The following RALGAPA1 variants were observed in gnomAD, a reference collection of about 807,000 sequenced individuals.
RALGAPA1 encodes the protein Ral GTPase activating protein catalytic subunit alpha 1, also known as ral GTPase-activating protein subunit alpha-1.
A neutral mutation model predicts 269.6 loss-of-function variants in RALGAPA1; 52 were observed. The observed-to-expected ratio is 0.19, with a 90% CI of 0.15 to 0.24. RALGAPA1 has a LOEUF of 0.24. Among genes scored for constraint, RALGAPA1 ranks in the 10% least tolerant of loss-of-function variants. The probability of loss-of-function intolerance (pLI) is 1.00; values close to 1 mark genes in which losing one functional copy is unlikely to be tolerated. For synonymous variants in RALGAPA1, 817 were observed against 1,008.3 expected, an observed-to-expected ratio of 0.81 and a Z score of 3.60; for missense variants, 1,917 against 3,013.9, an observed-to-expected ratio of 0.64 and a Z score of 8.52.
chr14:35,737,774 A>T (rs1229312272), intron 12 of RALGAPA1, among the ~76,000 whole-genome samples: 5 of 137,752 alleles, frequency 3.6e-5, no homozygotes, highest in African/African-American at 1.4e-4. Context: ...AAAAAAAAAA[A>T]AAAAAAAAAA....
chr14:35,674,930 T>C (rs2064816910), intron 22 of RALGAPA1, among the ~76,000 whole-genome samples: 1 of 152,166 alleles, frequency 6.6e-6, no homozygotes, highest in African/African-American at 2.4e-5. Flanking sequence ...TATTCAATAG[T>C]GATTCTATGT....
intron 4 of RALGAPA1, among the ~76,000 whole-genome samples, chr14:35,768,067 ATC>A (rs200131642): frequency 0.04 from 6,153 of 151,984 alleles, 353 homozygotes; most frequent in African/African-American, 0.12. Context: ...GAGCCACCAC[ATC>A]TGTCCTTATT....
intron 1 of RALGAPA1, among the ~76,000 whole-genome samples, chr14:35,795,420 G>C (rs2076490267): frequency 6.6e-6 from 1 of 152,116 alleles, no homozygotes; most frequent in African/African-American, 2.4e-5. Context: ...CAAGACAGAA[G>C]AAAGAACCAT....
At chr14:35,581,939 C>G (rs1195983309) in intron 37 of RALGAPA1, among the ~76,000 whole-genome samples, 1 of 152,164 alleles carries the variant, frequency 6.6e-6, no homozygotes, top group Non-Finnish European at 1.5e-5. Flanking sequence ...CCAATGTTCA[C>G]TGCAACATTG....
At chr14:35,767,827 G>A (rs867601398) in intron 4 of RALGAPA1, among the ~76,000 whole-genome samples, 1 of 152,040 alleles carries the variant, frequency 6.6e-6, no homozygotes, top group African/African-American at 2.4e-5. Flanking sequence ...GGCTAAAAGT[G>A]CAGTGGCATG....
At chr14:35,547,760 AC>A (rs942814285) in intron 41 of RALGAPA1, among the ~76,000 whole-genome samples, 8 of 152,104 alleles carry the variant, frequency 5.3e-5, no homozygotes, top group Non-Finnish European at 8.8e-5. Context: ...AAAAGATTCA[AC>A]CTGGTTTAAT....
intron 16 of RALGAPA1, chr14:35,715,703 T>G: frequency 1.0e-6 from 1 of 984,398 alleles, no homozygotes; most frequent in Non-Finnish European, 1.2e-6. Context: ...GAAGCATTAC[T>G]GACCTGAAAT....
chr14:35,650,064 G>A (rs1240645430), intron 31 of RALGAPA1, among the ~76,000 whole-genome samples: 1 of 152,126 alleles, frequency 6.6e-6, no homozygotes, highest in East Asian at 1.9e-4. Flanking sequence ...CGACACTAAA[G>A]CGAAGGATTC....
chr14:35,751,703 C>A (rs1231026922), intron 8 of RALGAPA1, among the ~76,000 whole-genome samples: 1 of 151,628 alleles, frequency 6.6e-6, no homozygotes, highest in African/African-American at 2.4e-5. Flanking sequence ...ACTGCCTGAG[C>A]TCAGCAGTTC....
rs746958271 is a variant in RALGAPA1 at position 35,539,614 on chromosome 14, C to T, written c.*100G>A. 12 of 1,613,928 alleles carry T rather than the reference C, an allele frequency of 7.4e-6. No individual in the cohort carries two copies. The highest frequency in any genetic ancestry group is 1.3e-5 in the African/African-American group (1 of 74,890). ...TGCGGCTTTTGCTAGTTCGAGGAGACATTGGAGAGGCCAGGTCAGCCCCAT... is the reference window on the plus strand; with the variant it reads ...TGCGGCTTTTGCTAGTTCGAGGAGATATTGGAGAGGCCAGGTCAGCCCCAT... On this transcript the variant is annotated 3_prime_UTR_variant, in exon 42 of 42. Transcript: ENST00000680220.
intron 39 of RALGAPA1, among the ~76,000 whole-genome samples, chr14:35,565,347 T>C (rs1484064280): frequency 6.7e-6 from 1 of 150,156 alleles, no homozygotes; most frequent in Non-Finnish European, 1.5e-5. Context: ...ATATATAACA[T>C]ATATTATACT....
intron 4 of RALGAPA1, among the ~76,000 whole-genome samples, chr14:35,763,620 G>T (rs12882373): frequency 0.1 from 15,479 of 151,722 alleles, 1,165 homozygotes; most frequent in Non-Finnish European, 0.16. Context: ...ATTTTAAGAG[G>T]TGCATACTAT....
At chr14:35,615,759 G>A (rs2060209569) in intron 35 of RALGAPA1, among the ~76,000 whole-genome samples, 1 of 152,122 alleles carries the variant, frequency 6.6e-6, no homozygotes, top group Non-Finnish European at 1.5e-5. Context: ...GAGAACGGAG[G>A]CAGTTTAGCA....
intron 17 of RALGAPA1, among the ~76,000 whole-genome samples, chr14:35,692,389 G>C (rs2066552177): frequency 6.6e-6 from 1 of 151,360 alleles, no homozygotes; most frequent in African/African-American, 2.4e-5. Context: ...CCATTCTAAA[G>C]AAGCCAGGAA....
chr14:35,671,969 G>C (rs910681959), intron 25 of RALGAPA1, among the ~76,000 whole-genome samples: 4 of 152,154 alleles, frequency 2.6e-5, no homozygotes, highest in African/African-American at 9.7e-5. Context: ...TAGGTATCAA[G>C]CCTCAGAAAT....
rs147930714 is a variant in RALGAPA1 at position 35,578,781 on chromosome 14, G to A, written c.7210-6063C>T. ...TTTGATAAAGACAAAGGTGTCTATA[G>A]ATAGTTCTTTTGATTTGTGGCTATG... On this transcript the variant is annotated intron_variant, in intron 37 of 41. Coordinates refer to ENST00000680220, the MANE Select transcript of RALGAPA1 (RefSeq NM_001346249.2). Among the ~76,000 whole-genome samples, 410 of 152,284 alleles carry A rather than the reference G, an allele frequency of 2.7e-3. 2 individuals are homozygous for A. The highest frequency in any genetic ancestry group is 7.1e-3 in the African/African-American group (296 of 41,564).
At chr14:35,737,290 G>A (rs965037233) in intron 12 of RALGAPA1, among the ~76,000 whole-genome samples, 1 of 152,030 alleles carries the variant, frequency 6.6e-6, no homozygotes, top group Non-Finnish European at 1.5e-5. Context: ...AGAACATAAG[G>A]AAATGAGAAC....
intron 36 of RALGAPA1, among the ~76,000 whole-genome samples, chr14:35,600,967 G>A (rs1350425528): frequency 6.6e-6 from 1 of 152,164 alleles, no homozygotes; most frequent in African/African-American, 2.4e-5. Context: ...GCTGTATGCG[G>A]GAAAAGAGCA....
intron 33 of RALGAPA1, among the ~76,000 whole-genome samples, chr14:35,633,222 A>G (rs114170788): frequency 0.022 from 3,315 of 152,290 alleles, 120 homozygotes; most frequent in African/African-American, 0.075. Flanking sequence ...CTGCCATTTT[A>G]TACCTTAAAT....
Sources: allele counts gnomAD v4.1 joint callset (sites outside exome capture counted in the v4.1 genomes callset), GRCh38; gene constraint gnomAD v4.1.1; transcripts MANE v1.5; gene names NCBI Gene and HGNC (gene_info 2026-07-23, HGNC 2026-07-21).